The following WDR7 variants were observed in gnomAD, a reference collection of about 807,000 sequenced individuals.
WDR7 encodes the protein WD repeat domain 7.
WDR7 carries 46 observed loss-of-function variants against 169.4 expected under a neutral mutation model. That is an observed-to-expected ratio of 0.27 (90% CI 0.21 to 0.35). The LOEUF (loss-of-function observed/expected upper bound fraction) is 0.35, where lower values mean the gene tolerates loss of function less well. WDR7 is among the 10% of genes least tolerant of loss of function. The pLI, the probability that WDR7 is intolerant of heterozygous loss-of-function variation, is 1.00. For synonymous variants in WDR7, 612 were observed against 666.8 expected (o/e 0.92, Z 1.27); for missense variants, 1,534 against 1,859.3 (o/e 0.83, Z 3.22).
At position 56,766,198 on chromosome 18, in the gene WDR7, T is replaced by C. The variant is rs186966667; in HGVS notation, c.2848+7245T>C. On this transcript the variant is annotated intron_variant, in intron 16 of 27. Coordinates refer to ENST00000254442, the MANE Select transcript of WDR7 (RefSeq NM_015285.3). The stretch of plus-strand genomic sequence containing the variant: ...TATTAATCTTGTTGCTTTTAAGATT[T>C]TCCGTTTATCACTGGTTTTGAGCAG... Among the ~76,000 whole-genome samples, 7 of 152,296 alleles carry C rather than the reference T, an allele frequency of 4.6e-5. No homozygotes were observed. The East Asian group carries it at 1.4e-3, about 29-fold the overall frequency.
At chr18:56,881,924 T>C (rs2145486916) in intron 21 of WDR7, among the ~76,000 whole-genome samples, 2 of 152,332 alleles carry the variant, frequency 1.3e-5, no homozygotes, top group South Asian at 4.1e-4. Context: ...TTTCCTGTCT[T>C]TCCCCTCATT....
chr18:56,772,017 C>T (rs576424629), intron 16 of WDR7, among the ~76,000 whole-genome samples: 12 of 121,514 alleles, frequency 9.9e-5, no homozygotes, highest in African/African-American at 3.4e-4. Flanking sequence ...GCTGTGATCA[C>T]ACCACTACAC....
At chr18:56,897,785 C>T (rs2046349605) in intron 21 of WDR7, among the ~76,000 whole-genome samples, 1 of 151,866 alleles carries the variant, frequency 6.6e-6, no homozygotes, top group Non-Finnish European at 1.5e-5. Context: ...ATGTTTCTCT[C>T]AGTTACAATT....
Position 56,904,953 on chromosome 18 carries a change from C to T in WDR7, c.3527-18969C>T, listed in dbSNP as rs542605624. Among the ~76,000 whole-genome samples, 179 of 152,048 alleles carry T rather than the reference C, an allele frequency of 1.2e-3. 1 individual carries two copies. The highest frequency in any genetic ancestry group is 3.8e-3 in the African/African-American group (159 of 41,460). The stretch of plus-strand genomic sequence containing the variant: ...TCCAGGCAAAAAATTGACCCGAAGC[C>T]GTTACAAACATAAGAAGAAAGTAGA... On this transcript the variant is annotated intron_variant, in intron 21 of 27. Coordinates refer to ENST00000254442, the MANE Select transcript of WDR7 (RefSeq NM_015285.3).
Position 56,694,931 on chromosome 18 carries a change from C to CA in WDR7, c.1109-15dup, listed in dbSNP as rs1477120698. ...CATGCACAAATGTTTTTCTTTTATA[C>CA]AAAACCAAACCTCTACAGGGCTGGC... On this transcript the variant is annotated intron_variant, in intron 10 of 27. Coordinates refer to ENST00000254442, the MANE Select transcript of WDR7 (RefSeq NM_015285.3). 3 of 1,587,580 alleles carry CA rather than the reference C, an allele frequency of 1.9e-6. No homozygotes were observed. Among genetic ancestry groups the CA allele is most frequent in the Non-Finnish European group, 2.6e-6 (3 of 1,166,950 alleles).
chr18:56,655,618 CAA>C (rs56899358), intron 1 of WDR7, among the ~76,000 whole-genome samples: 2 of 133,976 alleles, frequency 1.5e-5, no homozygotes, highest in African/African-American at 6.6e-5. Context: ...GACCCTGTCT[CAA>C]AAAAAAAAAA....
chr18:57,017,443 T>C (rs941011126), intron 26 of WDR7, among the ~76,000 whole-genome samples: 56 of 139,706 alleles, frequency 4.0e-4, no homozygotes, highest in Admixed American at 1.6e-3. Context: ...TGTGTGTGTG[T>C]GCATGTGTGT....
chr18:56,768,521 A>G (rs74515882), intron 16 of WDR7, among the ~76,000 whole-genome samples: 2,013 of 152,314 alleles, frequency 0.013, 21 homozygotes, highest in East Asian at 0.033. Flanking sequence ...TTGGTCTGAC[A>G]TGTACTCTCT....
chr18:56,882,928 T>C (rs2145490420), intron 21 of WDR7, among the ~76,000 whole-genome samples: 1 of 152,254 alleles, frequency 6.6e-6, no homozygotes, highest in Middle Eastern at 3.4e-3. Flanking sequence ...TATCTGTATA[T>C]AAATGTAGGA....
At chr18:56,696,519 A>C (rs1378945261) in intron 12 of WDR7, 57 bp downstream of exon 12, 4 of 1,315,408 alleles carry the variant, frequency 3.0e-6, no homozygotes, top group Non-Finnish European at 4.2e-6. Flanking sequence ...TTATATTACT[A>C]TCAGGAATGT....
rs74254795 is a variant in WDR7, at chr18:56,708,644, A to G, written c.1579-9320A>G. Among the ~76,000 whole-genome samples, 414 of 152,240 alleles carry G rather than the reference A, an allele frequency of 2.7e-3. 4 individuals are homozygous for G. The East Asian group carries it at 0.037, about 13-fold the overall frequency. Reference sequence around the variant, plus strand: ...CACTTTGAGTTCCTTAACAAACTTTAGAATATAAGGTCAGGCGCGGTGGCT... The same window carrying G: ...CACTTTGAGTTCCTTAACAAACTTTGGAATATAAGGTCAGGCGCGGTGGCT... On this transcript the variant is annotated intron_variant, in intron 12 of 27. Coordinates refer to ENST00000254442, the MANE Select transcript of WDR7 (RefSeq NM_015285.3).
chr18:56,807,901 C>A (rs1029820733), intron 19 of WDR7, among the ~76,000 whole-genome samples: 1 of 152,100 alleles, frequency 6.6e-6, no homozygotes, highest in Non-Finnish European at 1.5e-5. Flanking sequence ...GGATAAATTT[C>A]TTACAGAAAG....
chr18:56,975,760 A>C (rs1350238932), intron 26 of WDR7, among the ~76,000 whole-genome samples: 1 of 152,176 alleles, frequency 6.6e-6, no homozygotes, highest in Non-Finnish European at 1.5e-5. Flanking sequence ...AGACTGTGGC[A>C]CACCGGAGGG....
chr18:56,885,637 C>T (rs972237148), intron 21 of WDR7, among the ~76,000 whole-genome samples: 6 of 142,504 alleles, frequency 4.2e-5, no homozygotes, highest in East Asian at 2.2e-4. Flanking sequence ...CTAGCTAACA[C>T]GGTGAAACCC....
intron 27 of WDR7, among the ~76,000 whole-genome samples, chr18:57,024,129 G>A (rs1252181695): frequency 2.0e-5 from 3 of 151,944 alleles, no homozygotes; most frequent in African/African-American, 4.8e-5. Context: ...ATATTTCAGG[G>A]GTTTTTTGCT....
intron 20 of WDR7, among the ~76,000 whole-genome samples, chr18:56,840,205 A>AT (rs967731952): frequency 2.0e-5 from 3 of 152,174 alleles, no homozygotes; most frequent in African/African-American, 7.2e-5. Flanking sequence ...AAGGGGAGAG[A>AT]TTTTGAGAAG....
At chr18:56,829,055 C>G (rs1286481930) in intron 20 of WDR7, among the ~76,000 whole-genome samples, 1 of 148,986 alleles carries the variant, frequency 6.7e-6, no homozygotes, top group Non-Finnish European at 1.5e-5. Context: ...GGCTCACATA[C>G]GAGGATAGCT....
At chr18:56,745,589 G>A (rs1303518889) in intron 14 of WDR7, among the ~76,000 whole-genome samples, 2 of 152,126 alleles carry the variant, frequency 1.3e-5, no homozygotes, top group African/African-American at 4.8e-5. Context: ...GACAGGAGGT[G>A]GAGCTCAGGT....
At chr18:56,867,617 A>G (rs1456672910) in intron 20 of WDR7, among the ~76,000 whole-genome samples, 1 of 152,214 alleles carries the variant, frequency 6.6e-6, no homozygotes, top group East Asian at 1.9e-4. Context: ...AGTTTTGGAA[A>G]AATGGCATGA....
Sources: allele counts gnomAD v4.1 joint callset (sites outside exome capture counted in the v4.1 genomes callset), GRCh38; gene constraint gnomAD v4.1.1; transcripts MANE v1.5; gene names NCBI Gene and HGNC (gene_info 2026-07-23, HGNC 2026-07-21).